The following PRKD1 variants were observed in gnomAD, a reference collection of about 807,000 sequenced individuals.
PRKD1 encodes serine/threonine-protein kinase D1.
PRKD1 carries 63 observed loss-of-function variants against 95.9 expected under a neutral mutation model. That is an observed-to-expected ratio of 0.66 (90% CI 0.54 to 0.81). The LOEUF is 0.81. PRKD1 is among the 30% of genes least tolerant of loss of function. PRKD1 has a pLI of 0.00. For synonymous variants in PRKD1, 425 were observed against 423.1 expected (o/e 1.00, Z -0.05); for missense variants, 1,048 against 1,165.3 (o/e 0.90, Z 1.47).
At chr14:29,666,504 T>C (rs1021657335) in intron 2 of PRKD1, among the ~76,000 whole-genome samples, 3 of 152,086 alleles carry the variant, frequency 2.0e-5, no homozygotes, top group African/African-American at 7.2e-5. Context: ...TAAGTACACC[T>C]GATTTACAAA....
intron 2 of PRKD1, among the ~76,000 whole-genome samples, chr14:29,676,183 G>GTTTTTTTTTTGTTTTT (rs1883194647): frequency 1.5e-5 from 1 of 67,450 alleles, no homozygotes; most frequent in Admixed American, 1.6e-4. Context: ...TTACGTTTTT[G>GTTTTTTTTTTGTTTTT]TTTTTTTTTT....
intron 1 of PRKD1, among the ~76,000 whole-genome samples, chr14:29,811,273 G>C (rs909621416): frequency 6.6e-6 from 1 of 152,080 alleles, no homozygotes; most frequent in African/African-American, 2.4e-5. Context: ...GACCTTCCAG[G>C]GTTCTACCCC....
At chr14:29,887,714 A>G (rs1001403817) in intron 1 of PRKD1, among the ~76,000 whole-genome samples, 11 of 152,196 alleles carry the variant, frequency 7.2e-5, no homozygotes, top group Non-Finnish European at 1.6e-4. Flanking sequence ...CCTTTTATAT[A>G]CTTAGATACA....
At chr14:29,829,697 T>C (rs77709567) in intron 1 of PRKD1, among the ~76,000 whole-genome samples, 2,129 of 152,198 alleles carry the variant, frequency 0.014, 26 homozygotes, top group South Asian at 0.066. Context: ...TAGAAAAAAA[T>C]AGAATCTTGT....
At chr14:29,920,627 A>ACAC (rs1895068760) in intron 1 of PRKD1, among the ~76,000 whole-genome samples, 1 of 127,200 alleles carries the variant, frequency 7.9e-6, no homozygotes, top group South Asian at 2.6e-4. Flanking sequence ...CACACACACA[A>ACAC]AGTTTCATAT....
chr14:29,759,509 G>A (rs1887874792), intron 1 of PRKD1, among the ~76,000 whole-genome samples: 1 of 152,176 alleles, frequency 6.6e-6, no homozygotes, highest in East Asian at 1.9e-4. Flanking sequence ...AAATGTAAAT[G>A]TTCCAGAAGC....
At chr14:29,784,125 C>T (rs1889166336) in intron 1 of PRKD1, among the ~76,000 whole-genome samples, 1 of 152,048 alleles carries the variant, frequency 6.6e-6, no homozygotes. Flanking sequence ...AGTCTTTAGT[C>T]CACTTTGAAT....
chr14:29,826,754 TATACATATATATATAC>T (rs1209630252), intron 1 of PRKD1, among the ~76,000 whole-genome samples: 1 of 57,892 alleles, frequency 1.7e-5, no homozygotes, highest in African/African-American at 6.3e-5. Context: ...CACATATATA[TATACATATATATATAC>T]ACATATATAT....
At chr14:29,891,104 G>GTACC (rs1404393678) in intron 1 of PRKD1, among the ~76,000 whole-genome samples, 1 of 152,178 alleles carries the variant, frequency 6.6e-6, no homozygotes, top group Non-Finnish European at 1.5e-5. Context: ...AGGAAGAAAT[G>GTACC]TACCAATGGC....
chr14:29,671,895 A>G (rs1279074514), intron 2 of PRKD1, among the ~76,000 whole-genome samples: 1 of 152,212 alleles, frequency 6.6e-6, no homozygotes, highest in Non-Finnish European at 1.5e-5. Flanking sequence ...ATATCAAAAT[A>G]TTCTATAAAA....
chr14:29,617,165 C>A (rs1404493557), intron 13 of PRKD1, among the ~76,000 whole-genome samples: 1 of 152,086 alleles, frequency 6.6e-6, no homozygotes, highest in Non-Finnish European at 1.5e-5. Context: ...ATTCCATGGT[C>A]TTTATGTACC....
At chr14:29,895,763 C>T (rs1024675517) in intron 1 of PRKD1, among the ~76,000 whole-genome samples, 6 of 152,188 alleles carry the variant, frequency 3.9e-5, no homozygotes, top group East Asian at 1.9e-4. Flanking sequence ...CATGTCCACA[C>T]GGCTGCTCCT....
intron 13 of PRKD1, among the ~76,000 whole-genome samples, chr14:29,609,739 A>G (rs1343217981): frequency 5.9e-5 from 4 of 67,460 alleles, no homozygotes; most frequent in Admixed American, 5.8e-4. Flanking sequence ...TTGTACTTTT[A>G]GTAGAGACAG....
intron 2 of PRKD1, among the ~76,000 whole-genome samples, chr14:29,718,535 G>C (rs1470105179): frequency 6.6e-6 from 1 of 152,078 alleles, no homozygotes; most frequent in Non-Finnish European, 1.5e-5. Context: ...AATGGAAAGA[G>C]AATATTAACA....
intron 2 of PRKD1, among the ~76,000 whole-genome samples, chr14:29,666,444 GA>G (rs1882514888): frequency 6.6e-6 from 1 of 151,494 alleles, no homozygotes; most frequent in African/African-American, 2.4e-5. Context: ...CCAAGTTTCA[GA>G]CCACTTTAAA....
intron 1 of PRKD1, among the ~76,000 whole-genome samples, chr14:29,857,715 G>C (rs1194197118): frequency 6.6e-6 from 1 of 152,196 alleles, no homozygotes; most frequent in African/African-American, 2.4e-5. Flanking sequence ...CACTTTTTAT[G>C]AGTAAAGCAG....
intron 1 of PRKD1, among the ~76,000 whole-genome samples, chr14:29,730,073 G>C (rs1444060078): frequency 6.6e-6 from 1 of 151,890 alleles, no homozygotes; most frequent in Non-Finnish European, 1.5e-5. Flanking sequence ...CACAGCAAAG[G>C]AAACAATCAA....
At chr14:29,926,566 C>T (rs1048536507) in intron 1 of PRKD1, among the ~76,000 whole-genome samples, 1 of 152,156 alleles carries the variant, frequency 6.6e-6, no homozygotes, top group Non-Finnish European at 1.5e-5. Flanking sequence ...AGGACACAGC[C>T]AGCCTCGGGG....
At chr14:29,622,706 TTTTA>T (rs1254663668) in intron 13 of PRKD1, among the ~76,000 whole-genome samples, 1 of 152,174 alleles carries the variant, frequency 6.6e-6, no homozygotes, top group Non-Finnish European at 1.5e-5. Context: ...GCCGGCCTTA[TTTTA>T]TTTTTCTACC....
Sources: gnomAD v4.1 joint callset for allele counts (sites outside exome capture counted in the v4.1 genomes callset) on GRCh38, gnomAD v4.1.1 for gene constraint, MANE v1.5 for transcripts, NCBI Gene and HGNC (gene_info 2026-07-23, HGNC 2026-07-21) for gene names.